LARGE1: variants seen among roughly 807,000 people sequenced by gnomAD.
The protein encoded by LARGE1 is xylosyl- and glucuronyltransferase LARGE1.
A neutral mutation model predicts 87.6 loss-of-function variants in LARGE1; 43 were observed. The ratio of observed to expected loss-of-function variants is 0.49; its 90% confidence interval spans 0.38 to 0.63. The LOEUF (loss-of-function observed/expected upper bound fraction) is 0.63. Among genes scored for constraint, LARGE1 ranks in the 30% least tolerant of loss-of-function variants. LARGE1 has a pLI of 0.00. For missense variants in LARGE1, 802 were observed against 1,000.2 expected (o/e 0.80, Z 2.67); for synonymous variants, 434 against 394.6 (o/e 1.10, Z -1.18).
the LARGE1 span, among the ~76,000 whole-genome samples, chr22:33,081,676 C>T: frequency 4.9e-4 from 74 of 152,256 alleles, no homozygotes; most frequent in Non-Finnish European, 8.8e-4. Flanking sequence ...ATTCATATGA[C>T]ATTTTGCATA....
Position 33,368,290 on chromosome 22 carries a change from G to A in LARGE1, c.1131+13629C>T, listed in dbSNP as rs1034926902. ...TCATGCCTGTAATCCCAGCACTTTGGGAGGCCGAGGTGGGAGGCCGATCAC... is the reference window on the plus strand; with the variant it reads ...TCATGCCTGTAATCCCAGCACTTTGAGAGGCCGAGGTGGGAGGCCGATCAC... On this transcript the variant is annotated intron_variant, in intron 9 of 14. Coordinates refer to ENST00000397394, the MANE Select transcript of LARGE1 (RefSeq NM_133642.5). Among the ~76,000 whole-genome samples the A allele has an allele frequency of 3.3e-5, 5 of 152,080 alleles. 1 individual carries two copies. The highest frequency in any genetic ancestry group is 2.0e-4 in the Admixed American group (3 of 15,272).
intron 11 of LARGE1, among the ~76,000 whole-genome samples, chr22:33,193,407 T>C (rs975999374): frequency 4.0e-5 from 6 of 151,854 alleles, no homozygotes; most frequent in African/African-American, 1.2e-4. Flanking sequence ...TCACAGCAAA[T>C]CACATATGAG....
At chr22:33,489,004 T>A (rs1016223218) in intron 6 of LARGE1, among the ~76,000 whole-genome samples, 3 of 152,210 alleles carry the variant, frequency 2.0e-5, no homozygotes, top group Non-Finnish European at 2.9e-5. Flanking sequence ...CACCTCCTCC[T>A]CTCTGCTCAG....
At chr22:33,821,956 T>TG (rs933715364) in intron 1 of LARGE1, among the ~76,000 whole-genome samples, 5 of 151,412 alleles carry the variant, frequency 3.3e-5, no homozygotes, top group African/African-American at 1.2e-4. Flanking sequence ...TTTTAGGTTT[T>TG]TTTTTTTTTT....
intron 11 of LARGE1, among the ~76,000 whole-genome samples, chr22:33,307,443 C>A (rs918469062): frequency 6.6e-6 from 1 of 152,006 alleles, no homozygotes; most frequent in Admixed American, 6.6e-5. Flanking sequence ...TCTGTTTCCC[C>A]AAGTAAGAGC....
At chr22:33,689,388 G>A (rs552600275) in intron 2 of LARGE1, among the ~76,000 whole-genome samples, 1 of 152,262 alleles carries the variant, frequency 6.6e-6, no homozygotes, top group South Asian at 2.1e-4. Context: ...GGCTTGGTTT[G>A]GCCAATATCG....
chr22:33,758,549 G>C lies in LARGE1; in HGVS notation c.106+2822C>G, dbSNP rs1267649218. ...TTCATTCTAAAGGATCATGTTGATA[G>C]ATACAGCACCTACACCCAGTCTGTC... On this transcript the variant is annotated intron_variant, in intron 2 of 14. Transcript: ENST00000397394. Among the ~76,000 whole-genome samples, 3 of 152,302 alleles carry C rather than the reference G, an allele frequency of 2.0e-5. No homozygotes were observed. The East Asian group carries it at 5.8e-4, about 29-fold the overall frequency.
chr22:33,860,006 T>G lies in LARGE1; in HGVS notation c.-83+59989A>C, dbSNP rs374202762. Among the ~76,000 whole-genome samples, 10 of 152,256 alleles carry G rather than the reference T, an allele frequency of 6.6e-5. No individual in the cohort carries two copies. The South Asian group carries it at 2.1e-3, about 32-fold the overall frequency. The stretch of plus-strand genomic sequence containing the variant: ...GTTCTTGTTCAAAGGATGCACAATT[T>G]CAGTTCTGCAAGATCCAAACAGTTC... On this transcript the variant is annotated intron_variant, in intron 1 of 14. Coordinates refer to ENST00000397394, the MANE Select transcript of LARGE1 (RefSeq NM_133642.5).
chr22:33,240,344 G>T (rs1468105322), intron 11 of LARGE1, among the ~76,000 whole-genome samples: 1 of 152,038 alleles, frequency 6.6e-6, no homozygotes, highest in Non-Finnish European at 1.5e-5. Flanking sequence ...TCTTATTATT[G>T]ATTTGAAAGA....
chr22:33,540,107 C>T (rs1337888153), intron 6 of LARGE1, among the ~76,000 whole-genome samples: 1 of 152,150 alleles, frequency 6.6e-6, no homozygotes, highest in Non-Finnish European at 1.5e-5. Flanking sequence ...CAGCTCCTGC[C>T]TTCTACTCCC....
chr22:33,907,747 A>C (rs2065497956), intron 1 of LARGE1, among the ~76,000 whole-genome samples: 1 of 151,980 alleles, frequency 6.6e-6, no homozygotes, highest in Non-Finnish European at 1.5e-5. Context: ...GGCGCCCGCC[A>C]CCACGCCCGG....
At chr22:33,617,543 A>T (rs2079616548) in intron 4 of LARGE1, among the ~76,000 whole-genome samples, 2 of 152,240 alleles carry the variant, frequency 1.3e-5, no homozygotes, top group Admixed American at 1.3e-4. Flanking sequence ...TTTGTATAAC[A>T]TCTAAAATAG....
intron 1 of LARGE1, among the ~76,000 whole-genome samples, chr22:33,789,342 T>C (rs1186353824): frequency 6.6e-6 from 1 of 152,194 alleles, no homozygotes; most frequent in South Asian, 2.1e-4. Context: ...ACAGGATGTA[T>C]GGAAATGCCT....
At chr22:33,577,368 C>T (rs17731862) in intron 5 of LARGE1, among the ~76,000 whole-genome samples, 3,002 of 152,278 alleles carry the variant, frequency 0.02, 54 homozygotes, top group Non-Finnish European at 0.031. Context: ...TGCAAAAGCA[C>T]ACGCATACAC....
At chr22:33,746,504 T>C (rs1427638724) in intron 2 of LARGE1, 3 of 152,204 alleles carry the variant, frequency 2.0e-5, no homozygotes, top group African/African-American at 7.2e-5. Context: ...CAAATAATAA[T>C]AACAATGACT....
At chr22:33,416,020 T>A (rs1253608511) in intron 7 of LARGE1, among the ~76,000 whole-genome samples, 2 of 152,234 alleles carry the variant, frequency 1.3e-5, no homozygotes, top group South Asian at 2.1e-4. Flanking sequence ...TATCACTTGC[T>A]GAGCATTTAC....
chr22:33,618,654 A>G (rs546817341), intron 4 of LARGE1, among the ~76,000 whole-genome samples: 1 of 152,346 alleles, frequency 6.6e-6, no homozygotes, highest in South Asian at 2.1e-4. Flanking sequence ...TATTGATTCT[A>G]CACTTAACAC....
chr22:33,141,100 A>G, the LARGE1 span, among the ~76,000 whole-genome samples: 1 of 152,220 alleles, frequency 6.6e-6, no homozygotes, highest in Admixed American at 6.5e-5. Context: ...TAACAAGTAG[A>G]ACATAATATC....
chr22:33,418,272 A>G (rs1043207757), intron 7 of LARGE1, among the ~76,000 whole-genome samples: 3 of 152,250 alleles, frequency 2.0e-5, no homozygotes, highest in African/African-American at 7.2e-5. Context: ...TTACAGGCTC[A>G]TGTGATTAGA....
Sources: gnomAD v4.1 joint callset for allele counts (sites outside exome capture counted in the v4.1 genomes callset) on GRCh38, gnomAD v4.1.1 for gene constraint, MANE v1.5 for transcripts, NCBI Gene and HGNC (gene_info 2026-07-23, HGNC 2026-07-21) for gene names.